The following MYRFL variants were observed in gnomAD, a reference collection of about 807,000 sequenced individuals.
MYRFL encodes myelin regulatory factor like, also known as myelin regulatory factor-like protein.
In MYRFL, 88 loss-of-function variants were observed where a neutral mutation model predicts 109.4. That is an observed-to-expected ratio of 0.80 (90% confidence interval 0.68 to 0.96). The LOEUF is 0.96. MYRFL is among the 40% of genes least tolerant of loss of function. The pLI, the probability that MYRFL is intolerant of heterozygous loss-of-function variation, is 0.00. For missense variants in MYRFL, 957 were observed against 954.9 expected (o/e 1.00, Z -0.03); for synonymous variants, 324 against 320.9 (o/e 1.01, Z -0.10).
intron 2 of MYRFL, among the ~76,000 whole-genome samples, chr12:69,870,099 CTTTTTTTTTTTTTT>C (rs754843682): frequency 1.5e-4 from 12 of 81,330 alleles, no homozygotes; most frequent in Admixed American, 3.1e-4. Flanking sequence ...ATTTTTCTTC[CTTTTTTTTTTTTTT>C]TTTTTTTTTT....
chr12:69,889,991 A>T (rs368784167), intron 6 of MYRFL, among the ~76,000 whole-genome samples: 8 of 151,866 alleles, frequency 5.3e-5, no homozygotes, highest in African/African-American at 1.7e-4. Context: ...TTGATTAGCC[A>T]CCCTGCCACT....
At chr12:69,953,157 G>A (rs563656071) in intron 21 of MYRFL, among the ~76,000 whole-genome samples, 2 of 152,282 alleles carry the variant, frequency 1.3e-5, no homozygotes, top group African/African-American at 4.8e-5. Context: ...CAGCTCTGTT[G>A]CTGACTCTCT....
chr12:69,926,117 C>CTT (rs147973443), intron 13 of MYRFL, among the ~76,000 whole-genome samples: 265 of 84,830 alleles, frequency 3.1e-3, no homozygotes, highest in Non-Finnish European at 4.4e-3. Context: ...TCTTCTTCTT[C>CTT]TTTTTTTTTT....
chr12:69,916,999 G>A (rs145865261), intron 13 of MYRFL, among the ~76,000 whole-genome samples: 3 of 151,966 alleles, frequency 2.0e-5, no homozygotes, highest in South Asian at 2.1e-4. Context: ...TAGCTTCCAC[G>A]GCTCCCCTTC....
At chr12:69,926,963 A>G (rs1955114473) in intron 14 of MYRFL, among the ~76,000 whole-genome samples, 2 of 21,746 alleles carry the variant, frequency 9.2e-5, no homozygotes, top group Admixed American at 6.1e-4. Context: ...TTTTTTTTTG[A>G]GCCTGAGTTT....
intron 13 of MYRFL, among the ~76,000 whole-genome samples, chr12:69,921,706 A>G (rs1279093423): frequency 6.6e-6 from 1 of 152,192 alleles, no homozygotes; most frequent in African/African-American, 2.4e-5. Flanking sequence ...TTCCTCTTGA[A>G]TAGGAAAATA....
rs984047817 is a variant in MYRFL at position 69,932,537 on chromosome 12, G to T, written c.1855G>T (p.Ala619Ser). ...GGTTTATTTTTCAGGAAAAAGACAG[G>T]CGTGTCCTAATTGGGTTTTCCAGAC... The part of the protein sequence containing the change: ...NKVYFSGKRQ[A>S]CPNWVFQTLV... Residue 619 changes from alanine to serine, a missense_variant, in exon 16 of 25, where the codon GCG becomes TCG. By Grantham distance (99) the Ala-to-Ser change is moderately conservative. Transcript: ENST00000552032. 9.8e-6 allele frequency: 15 copies of T among 1,536,018 alleles called. No individual in the cohort carries two copies. Among genetic ancestry groups the T allele is most frequent in the Non-Finnish European group, 1.3e-5 (15 of 1,146,822 alleles).
At chr12:69,947,799 A>G (rs1257995603) in intron 19 of MYRFL, among the ~76,000 whole-genome samples, 1 of 152,156 alleles carries the variant, frequency 6.6e-6, no homozygotes, top group East Asian at 1.9e-4. Context: ...TGGCTTCTTC[A>G]TAGTGCATGA....
At chr12:69,889,250 A>G (rs1417533839) in intron 6 of MYRFL, among the ~76,000 whole-genome samples, 1 of 152,004 alleles carries the variant, frequency 6.6e-6, no homozygotes, top group Non-Finnish European at 1.5e-5. Flanking sequence ...AGCTTGATGA[A>G]TTAGAAATCC....
chr12:69,930,907 T>C (rs1444119271), intron 15 of MYRFL, among the ~76,000 whole-genome samples: 1 of 152,108 alleles, frequency 6.6e-6, no homozygotes, highest in African/African-American at 2.4e-5. Flanking sequence ...ATAAAACCTA[T>C]TGAATCAGAA....
intron 1 of MYRFL, among the ~76,000 whole-genome samples, chr12:69,835,613 T>C (rs561944967): frequency 3.9e-4 from 59 of 152,356 alleles, no homozygotes; most frequent in African/African-American, 1.4e-3. Flanking sequence ...ATTCCGTAGA[T>C]GGAAAGAGAG....
chr12:69,898,554 G>A (rs1437036901), intron 10 of MYRFL, among the ~76,000 whole-genome samples: 1 of 152,206 alleles, frequency 6.6e-6, no homozygotes, highest in African/African-American at 2.4e-5. Context: ...CTTATTTGAT[G>A]TAATCTGGAA....
At chr12:69,897,646 A>T (rs1032746165) in intron 10 of MYRFL, among the ~76,000 whole-genome samples, 2 of 152,212 alleles carry the variant, frequency 1.3e-5, no homozygotes, top group African/African-American at 4.8e-5. Flanking sequence ...ATCATTTTAC[A>T]TTGTTATACT....
intron 2 of MYRFL, among the ~76,000 whole-genome samples, chr12:69,864,147 T>C (rs2136326105): frequency 6.6e-6 from 1 of 152,316 alleles, no homozygotes; most frequent in Non-Finnish European, 1.5e-5. Context: ...TATTGTACTG[T>C]TTGGGATTTG....
In MYRFL at chr12:69,936,089, T is replaced by TG. The variant is rs765701507; in HGVS notation, c.1917-24_1917-23insG. 658 of 1,360,992 alleles carry TG rather than the reference T, an allele frequency of 4.8e-4. 6 individuals are homozygous for TG. In the African/African-American group the frequency reaches 8.7e-3, roughly 18 times the overall value. 84.3% of individuals were successfully genotyped at this position (1,360,992 alleles called of 1,614,324 possible). A position where few individuals can be genotyped will look rare whatever the true frequency, so the allele number is the denominator to read the frequency against. On this transcript the variant is annotated intron_variant, in intron 16 of 24. Transcript: ENST00000552032. ...ATCTGCCACATAATGTTTTTTTTTT[T>TG]TTTTTTTTTTTTTTTTTTGACAGTG...
chr12:69,953,269 T>C (rs76731701), intron 21 of MYRFL, among the ~76,000 whole-genome samples: 114 of 152,330 alleles, frequency 7.5e-4, no homozygotes, highest in African/African-American at 2.6e-3. Flanking sequence ...CATTTGTATA[T>C]TTTAATAACA....
chr12:69,952,957 C>A, intron 21 of MYRFL, 71 bp downstream of exon 21: 3 of 968,496 alleles, frequency 3.1e-6, no homozygotes, highest in Non-Finnish European at 4.6e-6. Context: ...TTTAAGACTG[C>A]AGTGGAAGCT....
chr12:69,849,750 G>C (rs1883770353), intron 1 of MYRFL, among the ~76,000 whole-genome samples: 1 of 152,062 alleles, frequency 6.6e-6, no homozygotes, highest in Non-Finnish European at 1.5e-5. Flanking sequence ...AATTGTTTTA[G>C]AAAATCATTT....
intron 2 of MYRFL, among the ~76,000 whole-genome samples, chr12:69,869,885 A>G (rs1419726965): frequency 6.6e-6 from 1 of 152,184 alleles, no homozygotes; most frequent in Non-Finnish European, 1.5e-5. Context: ...AGGGCAGCAT[A>G]TATGTCATGG....
Sources: gnomAD v4.1 joint callset for allele counts (sites outside exome capture counted in the v4.1 genomes callset) on GRCh38, gnomAD v4.1.1 for gene constraint, MANE v1.5 for transcripts, NCBI Gene and HGNC (gene_info 2026-07-23, HGNC 2026-07-21) for gene names.